ADAMTS19: variants seen among roughly 807,000 people sequenced by gnomAD.
ADAMTS19 encodes the protein ADAM metallopeptidase with thrombospondin type 1 motif 19.
A neutral mutation model predicts 153.3 loss-of-function variants in ADAMTS19; 93 were observed. The observed-to-expected ratio is 0.61, with a 90% confidence interval of 0.51 to 0.72. ADAMTS19 has a LOEUF of 0.72. Ranked by LOEUF, ADAMTS19 falls within the 30% of genes least tolerant of loss-of-function variation. The pLI, the probability that ADAMTS19 is intolerant of heterozygous loss-of-function variation, is 0.00. For missense variants in ADAMTS19, 1,482 were observed against 1,552.1 expected (o/e 0.95, Z 0.76); for synonymous variants, 600 against 556.6 (o/e 1.08, Z -1.10).
At chr5:129,667,148 A>G (rs1339111640) in intron 16 of ADAMTS19, among the ~76,000 whole-genome samples, 1 of 152,120 alleles carries the variant, frequency 6.6e-6, no homozygotes, top group Non-Finnish European at 1.5e-5. Context: ...GCAGCATTTA[A>G]AACTGTTGAC....
chr5:129,481,678 A>G (rs890320950), intron 2 of ADAMTS19, among the ~76,000 whole-genome samples: 6 of 152,182 alleles, frequency 3.9e-5, no homozygotes, highest in African/African-American at 1.4e-4. Flanking sequence ...GTTCTTTTAA[A>G]TCAAAACATT....
At chr5:129,632,302 G>A (rs555457423) in intron 10 of ADAMTS19, among the ~76,000 whole-genome samples, 2 of 151,968 alleles carry the variant, frequency 1.3e-5, no homozygotes, top group East Asian at 3.9e-4. Context: ...AACCACATAT[G>A]TTCATTTAGA....
chr5:129,684,458 C>T (rs1176717511), intron 18 of ADAMTS19, among the ~76,000 whole-genome samples, 185 bp downstream of exon 18: 1 of 151,296 alleles, frequency 6.6e-6, no homozygotes, highest in East Asian at 1.9e-4. Context: ...GGAAGAACAG[C>T]TATTTAGGAT....
At chr5:129,662,225 T>C (rs1271647723) in intron 15 of ADAMTS19, among the ~76,000 whole-genome samples, 3 of 152,340 alleles carry the variant, frequency 2.0e-5, no homozygotes, top group East Asian at 1.9e-4. Context: ...CATTTTAAGA[T>C]GGCTGATTAA....
chr5:129,602,007 G>A (rs1280845001), intron 8 of ADAMTS19, among the ~76,000 whole-genome samples: 4 of 152,202 alleles, frequency 2.6e-5, no homozygotes, highest in Admixed American at 2.6e-4. Flanking sequence ...CTTCCAAGGA[G>A]TCAGGCAAGG....
chr5:129,674,523 G>A (rs908078136), intron 16 of ADAMTS19, among the ~76,000 whole-genome samples: 2 of 151,942 alleles, frequency 1.3e-5, no homozygotes, highest in African/African-American at 4.8e-5. Context: ...TACTATTCCA[G>A]TGTCTTCTTT....
chr5:129,523,017 T>C (rs1326528891), intron 3 of ADAMTS19, among the ~76,000 whole-genome samples: 1 of 148,772 alleles, frequency 6.7e-6, no homozygotes, highest in African/African-American at 2.5e-5. Flanking sequence ...ATCGCGACAC[T>C]GCGCTCCAGC....
intron 15 of ADAMTS19, among the ~76,000 whole-genome samples, chr5:129,664,507 T>C (rs1581202599): frequency 6.6e-6 from 1 of 152,128 alleles, no homozygotes; most frequent in Non-Finnish European, 1.5e-5. Context: ...ATTATGATTC[T>C]AAAAGCACAT....
chr5:129,735,201 G>A (rs1757614025), intron 22 of ADAMTS19, 92 bp downstream of exon 22: 2 of 1,244,018 alleles, frequency 1.6e-6, no homozygotes, highest in Non-Finnish European at 1.1e-6. Flanking sequence ...CTTGATAGTT[G>A]TAAATCTATA....
chr5:129,644,232 C>T (rs1177540238), intron 11 of ADAMTS19, among the ~76,000 whole-genome samples: 2 of 152,106 alleles, frequency 1.3e-5, no homozygotes, highest in Non-Finnish European at 2.9e-5. Flanking sequence ...AACTAATGAA[C>T]CTCTCAGTTT....
At chr5:129,684,773 G>T (rs867706335) in intron 18 of ADAMTS19, among the ~76,000 whole-genome samples, 1 of 152,136 alleles carries the variant, frequency 6.6e-6, no homozygotes, top group Non-Finnish European at 1.5e-5. Context: ...AGATCACGAG[G>T]TCAGGAGATC....
In ADAMTS19 at chr5:129,461,241, C is replaced by T; in HGVS notation, c.231C>T (p.Ser77=). ...TGCGCGGCGTTGGGGGCGGCGGAAG[C>T]GCCCGGGCGCAGGCTGCCGGCAGCT... ...GWVRGVGGGG[S]ARAQAAGSSR... is the part of the protein sequence containing the mutation. Residue 77 remains serine (S), a synonymous_variant, in exon 2 of 23, where the codon AGC becomes AGT. Transcript: ENST00000274487. The surrounding 1 kb of genome is among the most constrained non-coding windows in gnomAD (Gnocchi z 4.6). 7.1e-6 allele frequency: 9 copies of T among 1,263,674 alleles called. No homozygotes were observed. The highest frequency in any genetic ancestry group is 8.9e-6 in the Non-Finnish European group (9 of 1,010,160). 78.3% of individuals were successfully genotyped at this position (1,263,674 alleles called of 1,614,324 possible).
chr5:129,590,599 A>AT (rs890841932), intron 7 of ADAMTS19, among the ~76,000 whole-genome samples: 2 of 152,132 alleles, frequency 1.3e-5, no homozygotes, highest in African/African-American at 2.4e-5. Context: ...TTTTAAAAAT[A>AT]TTTTTTTAAA....
At chr5:129,548,373 A>C (rs1455576357) in intron 6 of ADAMTS19, among the ~76,000 whole-genome samples, 1 of 151,444 alleles carries the variant, frequency 6.6e-6, no homozygotes, top group African/African-American at 2.5e-5. Context: ...GAAGGATATG[A>C]ACAGACACTT....
intron 7 of ADAMTS19, among the ~76,000 whole-genome samples, chr5:129,594,109 A>T (rs1599940): frequency 6.6e-6 from 1 of 152,162 alleles, no homozygotes; most frequent in Non-Finnish European, 1.5e-5. Flanking sequence ...AGAAGGAAAA[A>T]TAAGGAGCTC....
intron 21 of ADAMTS19, among the ~76,000 whole-genome samples, chr5:129,711,403 C>T (rs1367246603): frequency 3.3e-5 from 5 of 152,092 alleles, no homozygotes; most frequent in African/African-American, 7.2e-5. Flanking sequence ...TGACTGGGCA[C>T]GGTGGCTCAC....
intron 21 of ADAMTS19, among the ~76,000 whole-genome samples, chr5:129,720,176 T>TA (rs1266896476): frequency 1.4e-5 from 2 of 144,490 alleles, no homozygotes; most frequent in African/African-American, 5.3e-5. Flanking sequence ...ATATATTTAT[T>TA]TTTTTTTTTT....
At chr5:129,707,851 A>C (rs574143716) in intron 21 of ADAMTS19, among the ~76,000 whole-genome samples, 1 of 152,198 alleles carries the variant, frequency 6.6e-6, no homozygotes, top group African/African-American at 2.4e-5. Flanking sequence ...CAATTTTTTT[A>C]TAAAGCTAGC....
Position 129,580,959 on chromosome 5 carries a change from G to A in ADAMTS19, c.1373-15600G>A, listed in dbSNP as rs187728976. 3.1e-3 allele frequency among the ~76,000 whole-genome samples: 479 copies of A among 152,294 alleles called. 1 individual carries two copies. Among genetic ancestry groups the A allele is most frequent in the Non-Finnish European group, 5.0e-3 (339 of 68,024 alleles). On this transcript the variant is annotated intron_variant, in intron 7 of 22. Transcript: ENST00000274487. ...GATGCTGGCCTCATAAAATGAGTTA[G>A]GGAGGAGTCCCTCCTTTTTCTATTG...
Sources: gnomAD v4.1 joint callset for allele counts (sites outside exome capture counted in the v4.1 genomes callset) on GRCh38, gnomAD v4.1.1 for gene constraint, Gnocchi (gnomAD v3.1) non-coding constraint, MANE v1.5 for transcripts, NCBI Gene and HGNC (gene_info 2026-07-23, HGNC 2026-07-21) for gene names.